The following GNAL variants were observed in gnomAD, a reference collection of about 807,000 sequenced individuals.
The protein encoded by GNAL is G protein subunit alpha L.
GNAL carries 18 observed loss-of-function variants against 55.1 expected under a neutral mutation model. The ratio of observed to expected loss-of-function variants is 0.33; its 90% CI spans 0.23 to 0.48. The LOEUF (loss-of-function observed/expected upper bound fraction) is 0.48. Ranked by LOEUF, GNAL falls within the 20% of genes least tolerant of loss-of-function variation. The pLI is 0.99. For missense variants in GNAL, 412 were observed against 614.1 expected (o/e 0.67, Z 3.48); for synonymous variants, 253 against 237.0 (o/e 1.07, Z -0.62).
intron 1 of GNAL, among the ~76,000 whole-genome samples, chr18:11,707,259 T>G (rs1468329426): frequency 2.0e-5 from 3 of 152,208 alleles, no homozygotes; most frequent in Non-Finnish European, 4.4e-5. Context: ...AACATATTTC[T>G]GAAATAATAA....
At chr18:11,790,324 C>A (rs2034192974) in intron 4 of GNAL, among the ~76,000 whole-genome samples, 1 of 151,850 alleles carries the variant, frequency 6.6e-6, no homozygotes, top group Admixed American at 6.6e-5. Context: ...CAGCTTCCGA[C>A]ACTCTGAGGA....
intron 4 of GNAL, among the ~76,000 whole-genome samples, chr18:11,759,684 G>A (rs535235918): frequency 1.4e-4 from 21 of 152,360 alleles, no homozygotes; most frequent in African/African-American, 4.8e-4. Context: ...TGCAGCTTGG[G>A]CCCTGCATAG....
intron 1 of GNAL, among the ~76,000 whole-genome samples, chr18:11,706,639 A>T (rs969251778): frequency 2.0e-5 from 3 of 152,212 alleles, no homozygotes; most frequent in Non-Finnish European, 2.9e-5. Context: ...AGCTACATTT[A>T]TGGAATATTC....
rs372890239 is a variant in GNAL, at chr18:11,731,497, C to A, written c.377-21356C>A. ...TCTGAGGTTACCCTTGGCCAAGAAG[C>A]TTCATTCAGTCAGTGGGGGGCCTTA... On this transcript the variant is annotated intron_variant, in intron 1 of 11. Transcript: ENST00000334049. 4.1e-4 allele frequency among the ~76,000 whole-genome samples: 63 copies of A among 152,314 alleles called. 1 individual carries two copies. Among genetic ancestry groups the A allele is most frequent in the South Asian group, 3.5e-3 (17 of 4,828 alleles).
rs573865694 is a variant in GNAL at position 11,773,118 on chromosome 18, A to T, written c.624+19173A>T. ...CTGGGAGCCTTCCCTGACCTCTGAG[A>T]TGAGAGGCAGCCAGTTCTCCCAAAG... On this transcript the variant is annotated intron_variant, in intron 4 of 11. Transcript: ENST00000334049. 5.3e-5 allele frequency among the ~76,000 whole-genome samples: 8 copies of T among 152,242 alleles called. No individual in the cohort carries two copies. The East Asian group carries it at 1.5e-3, about 29-fold the overall frequency.
intron 1 of GNAL, among the ~76,000 whole-genome samples, chr18:11,749,832 A>C (rs990794567): frequency 2.0e-5 from 3 of 152,206 alleles, no homozygotes; most frequent in Admixed American, 2.0e-4. Context: ...CACAAGCAGC[A>C]CATGCACCCG....
In GNAL at chr18:11,882,889, A is replaced by G. The variant is rs2036742254; in HGVS notation, c.*1754A>G. 1.3e-5 allele frequency: 2 copies of G among 152,302 alleles called. No individual in the cohort carries two copies. The highest frequency in any genetic ancestry group is 1.9e-4 in the East Asian group (1 of 5,188). The allele number at this position is 152,302 out of a possible 1,614,324, so 9.4% of individuals were successfully genotyped here. ...ATTATGACACACCAACAATATCTAG[A>G]AAGTAAGAACTGGTGTAGCAATGAT... On this transcript the variant is annotated 3_prime_UTR_variant, in exon 12 of 12. Transcript: ENST00000334049.
chr18:11,744,762 G>C (rs193301691), intron 1 of GNAL, among the ~76,000 whole-genome samples: 1 of 152,218 alleles, frequency 6.6e-6, no homozygotes, highest in Admixed American at 6.5e-5. Flanking sequence ...CCAGGCTGGA[G>C]TGCACTGATG....
chr18:11,769,327 T>C (rs183151359), intron 4 of GNAL, among the ~76,000 whole-genome samples: 2 of 151,290 alleles, frequency 1.3e-5, no homozygotes, highest in East Asian at 3.9e-4. Flanking sequence ...ACTATTGTGC[T>C]CAGACAAAAG....
At chr18:11,861,046 G>A (rs1349503586) in intron 5 of GNAL, among the ~76,000 whole-genome samples, 1 of 152,192 alleles carries the variant, frequency 6.6e-6, no homozygotes, top group Non-Finnish European at 1.5e-5. Context: ...AGGATGGGGA[G>A]ATTGGGAGGC....
intron 1 of GNAL, among the ~76,000 whole-genome samples, chr18:11,695,073 T>C (rs958269260): frequency 1.3e-5 from 2 of 151,676 alleles, no homozygotes; most frequent in African/African-American, 4.8e-5. Context: ...CTTCAACATA[T>C]GAATTCAGGG....
intron 7 of GNAL, among the ~76,000 whole-genome samples, chr18:11,865,673 T>G (rs1397163783): frequency 2.1e-5 from 3 of 145,486 alleles, no homozygotes; most frequent in East Asian, 4.0e-4. Context: ...GAGGATCTCT[T>G]AAGCCCAGGA....
At chr18:11,817,521 C>T (rs748915778) in intron 4 of GNAL, among the ~76,000 whole-genome samples, 14 of 152,184 alleles carry the variant, frequency 9.2e-5, no homozygotes, top group Non-Finnish European at 1.6e-4. Context: ...GTGGCGATCA[C>T]GCTTCTTGCT....
At chr18:11,755,004 G>A (rs902772732) in intron 4 of GNAL, among the ~76,000 whole-genome samples, 3 of 118,798 alleles carry the variant, frequency 2.5e-5, no homozygotes, top group African/African-American at 8.5e-5. Flanking sequence ...GTGTATGTGT[G>A]TGTGTGTGTG....
intron 4 of GNAL, among the ~76,000 whole-genome samples, chr18:11,763,205 G>A (rs865786335): frequency 9.2e-5 from 14 of 152,114 alleles, no homozygotes; most frequent in African/African-American, 2.9e-4. Context: ...CAGATTCATC[G>A]ATAGCTAATG....
intron 1 of GNAL, among the ~76,000 whole-genome samples, chr18:11,743,485 G>A (rs192414624): frequency 2.0e-5 from 3 of 152,068 alleles, no homozygotes; most frequent in Non-Finnish European, 4.4e-5. Flanking sequence ...ATCTAGAACC[G>A]TCCTCTAAGT....
intron 5 of GNAL, among the ~76,000 whole-genome samples, chr18:11,847,645 T>TC (rs1264325081): frequency 2.0e-5 from 3 of 152,190 alleles, no homozygotes; most frequent in Non-Finnish European, 4.4e-5. Context: ...TCTTTTTTTT[T>TC]CACTAAGAAA....
chr18:11,754,797 C>T (rs760438300), intron 4 of GNAL, among the ~76,000 whole-genome samples: 3 of 152,056 alleles, frequency 2.0e-5, no homozygotes, highest in Non-Finnish European at 4.4e-5. Context: ...TTATTTAGGG[C>T]TGCTTTTCCT....
chr18:11,746,693 T>C, intron 1 of GNAL: 1 of 254,938 alleles, frequency 3.9e-6, no homozygotes, highest in South Asian at 4.8e-5. Context: ...CTCCATTTTA[T>C]TAGGGGCTTG....
Sources: gnomAD v4.1 joint callset for allele counts (sites outside exome capture counted in the v4.1 genomes callset) on GRCh38, gnomAD v4.1.1 for gene constraint, MANE v1.5 for transcripts, NCBI Gene and HGNC (gene_info 2026-07-23, HGNC 2026-07-21) for gene names.